LARP1: variants seen among roughly 807,000 people sequenced by gnomAD.
LARP1 encodes the protein La ribonucleoprotein 1, translational regulator.
Under a neutral mutation model 122.7 loss-of-function variants are expected in LARP1, and 36 were observed. The observed-to-expected ratio is 0.29, with a 90% confidence interval of 0.22 to 0.39. LARP1 has a LOEUF of 0.39. Among genes scored for constraint, LARP1 ranks in the 10% least tolerant of loss-of-function variants. The probability of loss-of-function intolerance (pLI) is 1.00; values close to 1 mark genes in which losing one functional copy is unlikely to be tolerated. For synonymous variants in LARP1, 539 were observed against 528.7 expected (o/e 1.02, Z -0.27); for missense variants, 1,040 against 1,403.6 (o/e 0.74, Z 4.14).
chr5:154,714,775 G>A (rs1755398610), intron 1 of LARP1, among the ~76,000 whole-genome samples: 1 of 152,234 alleles, frequency 6.6e-6, no homozygotes, highest in Admixed American at 6.5e-5. Context: ...GAGTGAAAGT[G>A]AAAGCCAAAA....
In LARP1 at chr5:154,811,567, A is replaced by G; in HGVS notation, c.3008A>G (p.Lys1003Arg). The G allele has an allele frequency of 6.2e-7, 1 of 1,614,230 alleles. No homozygotes were observed. The highest frequency in any genetic ancestry group is 8.5e-7 in the Non-Finnish European group (1 of 1,180,044). ...GCCTTCTTGAAATATTCCAAAGCCA[A>G]AAATTTGGACATTGACCCCAAACTG... ...FWAFLKYSKA[K>R]NLDIDPKLQE... The change falls in exon 18 of 19, where the codon AAA becomes AGA. Residue 1003 changes from lysine to arginine, a missense_variant. Physicochemically the swap from Lys to Arg is conservative, Grantham distance 26. Transcript: ENST00000518297.
chr5:154,775,513 G>A (rs1323345238), intron 1 of LARP1, among the ~76,000 whole-genome samples: 4 of 149,294 alleles, frequency 2.7e-5, no homozygotes, highest in African/African-American at 4.9e-5. Context: ...AAAAAAAGGC[G>A]ACTCCCCTGC....
chr5:154,813,693 A>G (rs1413641203), intron 18 of LARP1, among the ~76,000 whole-genome samples, 194 bp from the exon 19 acceptor site: 3 of 152,228 alleles, frequency 2.0e-5, no homozygotes, highest in Non-Finnish European at 1.5e-5. Flanking sequence ...TGCTGACCCC[A>G]TGAGAGAGTG....
At position 154,803,526 on chromosome 5, in the gene LARP1, C is replaced by T. The variant is rs770748286; in HGVS notation, c.2234-14C>T. The T allele has an allele frequency of 1.9e-6, 3 of 1,614,072 alleles. No homozygotes were observed. In the African/African-American group the frequency reaches 4.0e-5, roughly 22 times the overall value. On this transcript the variant is annotated splice_polypyrimidine_tract_variant and intron_variant, in intron 12 of 18. Transcript: ENST00000518297. This position sits in a 1 kb window ranked among gnomAD's most constrained non-coding sequence, Gnocchi z 4.4. ...CCTTTCCCTGCTTCCTGACTCCTCT[C>T]TCTGCCTCTGCAGTTCCTACGGATG...
At chr5:154,768,852 A>G (rs772380700) in intron 1 of LARP1, among the ~76,000 whole-genome samples, 3 of 152,124 alleles carry the variant, frequency 2.0e-5, no homozygotes, top group African/African-American at 2.4e-5. Flanking sequence ...AAGTGCTGTG[A>G]TTACAGGCAT....
intron 5 of LARP1, 33 bp from the exon 6 acceptor site, chr5:154,793,767 C>T: frequency 6.2e-7 from 1 of 1,614,158 alleles, no homozygotes; most frequent in South Asian, 1.1e-5. Context: ...GGGAGACACC[C>T]TCAGGCCTGA....
At chr5:154,735,286 C>A (rs1218387197) in intron 1 of LARP1, among the ~76,000 whole-genome samples, 1 of 152,022 alleles carries the variant, frequency 6.6e-6, no homozygotes, top group African/African-American at 2.4e-5. Flanking sequence ...GAAACCCCGT[C>A]TCTACTAAAA....
chr5:154,708,636 A>G (rs768741068), upstream of LARP1, among the ~76,000 whole-genome samples: 3 of 152,144 alleles, frequency 2.0e-5, no homozygotes, highest in Non-Finnish European at 4.4e-5. Context: ...GTTTTGAGAC[A>G]GAGTTTCATT....
chr5:154,701,948 G>A lies in LARP1; in HGVS notation c.-180+18911G>A, dbSNP rs549905560. 2.8e-4 allele frequency among the ~76,000 whole-genome samples: 43 copies of A among 152,178 alleles called. No individual in the cohort carries two copies. In the South Asian group the frequency reaches 8.9e-3, roughly 32 times the overall value. Reference sequence around the variant, plus strand: ...ACTTTCTCTTTTATCTGTAGTAGCTGAGAAGTTAGGATATAAGCCACCATT... The same window carrying A: ...ACTTTCTCTTTTATCTGTAGTAGCTAAGAAGTTAGGATATAAGCCACCATT... On this transcript the variant is annotated intron_variant, in intron 1 of 18. Transcript: ENST00000687700.
At chr5:154,792,524 G>A (rs1427532452) in intron 3 of LARP1, 98 bp from the exon 4 acceptor site, 5 of 1,073,696 alleles carry the variant, frequency 4.7e-6, no homozygotes, top group Admixed American at 2.1e-5. Context: ...ATTGCATGCT[G>A]TGGCTCCTGC....
chr5:154,701,847 G>A (rs1754738632), intron 1 of LARP1, among the ~76,000 whole-genome samples: 1 of 152,042 alleles, frequency 6.6e-6, no homozygotes, highest in Non-Finnish European at 1.5e-5. Context: ...GGTCTGGAAT[G>A]CCTGACCTCG....
At position 154,786,845 on chromosome 5, in the gene LARP1, A is replaced by C. The variant is rs144399547; in HGVS notation, c.437-3480A>C. On this transcript the variant is annotated intron_variant, in intron 1 of 18. Transcript: ENST00000518297. ...AGTTCCCTGTCTACAAGTTGAGTGG[A>C]TTAGAACTATGGTCCCTTCATTCTA... Among the ~76,000 whole-genome samples, 386 of 151,168 alleles carry C rather than the reference A, an allele frequency of 2.6e-3. 2 individuals are homozygous for C. The highest frequency in any genetic ancestry group is 9.2e-3 in the African/African-American group (379 of 41,204).
intron 1 of LARP1, among the ~76,000 whole-genome samples, chr5:154,691,168 A>G: frequency 6.6e-6 from 1 of 150,610 alleles, no homozygotes. Context: ...AGGCTGAGGC[A>G]GGAGAATGGC....
chr5:154,721,832 T>TA (rs1296647129), intron 1 of LARP1, among the ~76,000 whole-genome samples: 1 of 152,200 alleles, frequency 6.6e-6, no homozygotes, highest in East Asian at 1.9e-4. Flanking sequence ...GGCCTGGCAC[T>TA]CTTTTCTCCA....
intron 1 of LARP1, among the ~76,000 whole-genome samples, chr5:154,721,346 C>CAAAAAA (rs70981943): frequency 2.4e-5 from 3 of 126,934 alleles, no homozygotes; most frequent in African/African-American, 2.9e-5. Context: ...GACTCCGTCT[C>CAAAAAA]AAAAAAAAAA....
intron 16 of LARP1, among the ~76,000 whole-genome samples, chr5:154,810,341 T>C (rs112148138): frequency 0.11 from 16,974 of 150,828 alleles, 1,084 homozygotes; most frequent in African/African-American, 0.17. Context: ...GAGGCTGAGC[T>C]AGGAGAATGG....
At position 154,799,713 on chromosome 5, in the gene LARP1, C is replaced by G. The variant is rs1758186008; in HGVS notation, c.1500C>G (p.Leu500=). 5.6e-6 allele frequency: 9 copies of G among 1,614,120 alleles called. No individual in the cohort carries two copies. The highest frequency in any genetic ancestry group is 1.1e-5 in the South Asian group (1 of 91,090). The change falls in exon 9 of 19, where the codon CTC becomes CTG. Residue 500 remains leucine (L), a synonymous_variant. Coordinates refer to ENST00000518297, the MANE Select transcript of LARP1 (RefSeq NM_033551.3). ...CACAGACTGATTTCTCCCAGCTTCT[C>G]AACTGCCCTGAATTTGTTCCCCGTC... ...DYSQTDFSQL[L]NCPEFVPRQH...
At chr5:154,807,368 A>T (rs904182074) in intron 15 of LARP1, among the ~76,000 whole-genome samples, 2 of 152,192 alleles carry the variant, frequency 1.3e-5, no homozygotes, top group African/African-American at 4.8e-5. Context: ...TTGCTGGGTC[A>T]TGGGGTAACC....
chr5:154,693,725 G>A (rs1245412648), intron 1 of LARP1, among the ~76,000 whole-genome samples: 3 of 151,932 alleles, frequency 2.0e-5, no homozygotes, highest in African/African-American at 7.3e-5. Context: ...GCGTGGTGGC[G>A]GGCTCCTGTA....
Sources: gnomAD v4.1 joint callset for allele counts (sites outside exome capture counted in the v4.1 genomes callset) on GRCh38, gnomAD v4.1.1 for gene constraint, Gnocchi (gnomAD v3.1) non-coding constraint, MANE v1.5 for transcripts, NCBI Gene and HGNC (gene_info 2026-07-23, HGNC 2026-07-21) for gene names.